Variants in TFDP2 observed in about 807,000 individuals in gnomAD.
TFDP2 encodes the protein transcription factor Dp-2, also known as transcription factor Dp-2 (E2F dimerization partner 2).
A neutral mutation model predicts 59.3 loss-of-function variants in TFDP2; 17 were observed. That is an observed-to-expected ratio of 0.29 (90% CI 0.20 to 0.43). TFDP2 has a LOEUF of 0.43. Ranked by LOEUF, TFDP2 falls within the 20% of genes least tolerant of loss-of-function variation. The pLI is 1.00. For synonymous variants in TFDP2, 180 were observed against 194.7 expected, an observed-to-expected ratio of 0.92 and a Z score of 0.63; for missense variants, 391 against 528.8, an observed-to-expected ratio of 0.74 and a Z score of 2.56.
intron 6 of TFDP2, among the ~76,000 whole-genome samples, chr3:141,989,888 A>AT (rs1327161201): frequency 2.0e-5 from 3 of 149,436 alleles, no homozygotes; most frequent in African/African-American, 7.4e-5. Flanking sequence ...AATAATAATA[A>AT]TAATAATTAT....
chr3:142,034,717 C>CT (rs34863684), intron 3 of TFDP2, among the ~76,000 whole-genome samples: 19 of 110,620 alleles, frequency 1.7e-4, no homozygotes, highest in East Asian at 1.0e-3. Context: ...CTTCTCTTGG[C>CT]TTTTTTTTTT....
chr3:142,088,825 G>C (rs2060900338), intron 3 of TFDP2, among the ~76,000 whole-genome samples: 1 of 148,448 alleles, frequency 6.7e-6, no homozygotes, highest in South Asian at 2.1e-4. Context: ...CGACCTCCTG[G>C]ATTTAATATC....
Position 142,070,450 on chromosome 3 carries a change from T to A in TFDP2, c.82+22611A>T, listed in dbSNP as rs536210760. Reference sequence around the variant, plus strand: ...ATGCCACCAAGCCTGGCTAATTTTATTTTTATCTTTTGTAGAGGCAATGCC... The same window carrying A: ...ATGCCACCAAGCCTGGCTAATTTTAATTTTATCTTTTGTAGAGGCAATGCC... On this transcript the variant is annotated intron_variant, in intron 3 of 12. Coordinates refer to ENST00000489671, the MANE Select transcript of TFDP2 (RefSeq NM_001178139.2). Among the ~76,000 whole-genome samples, 72 of 152,166 alleles carry A rather than the reference T, an allele frequency of 4.7e-4. 1 individual carries two copies. Among genetic ancestry groups the A allele is most frequent in the Non-Finnish European group, 8.7e-4 (59 of 68,028 alleles).
At chr3:142,081,555 T>G (rs2060638946) in intron 3 of TFDP2, among the ~76,000 whole-genome samples, 2 of 152,086 alleles carry the variant, frequency 1.3e-5, no homozygotes, top group Admixed American at 6.5e-5. Flanking sequence ...AAAGTTGGTT[T>G]TCTGAAAAGA....
intron 6 of TFDP2, 143 bp from the exon 7 acceptor site, chr3:141,978,825 GTTTA>G (rs975159665): frequency 2.6e-5 from 16 of 620,818 alleles, no homozygotes; most frequent in Middle Eastern, 4.5e-4. Context: ...ATGAGAAAAT[GTTTA>G]TTTAAACTTA....
intron 6 of TFDP2, among the ~76,000 whole-genome samples, chr3:141,987,401 C>T (rs1942219449): frequency 6.6e-6 from 1 of 151,630 alleles, no homozygotes; most frequent in Admixed American, 6.6e-5. Flanking sequence ...CCTGCCTCAG[C>T]CTCCTGAGTA....
chr3:141,964,556 G>A (rs1225435934), intron 9 of TFDP2, among the ~76,000 whole-genome samples: 2 of 152,164 alleles, frequency 1.3e-5, no homozygotes, highest in Non-Finnish European at 2.9e-5. Flanking sequence ...GGAGGCTGAG[G>A]TGGGAGGATT....
At chr3:141,984,682 C>G (rs573861102) in intron 6 of TFDP2, among the ~76,000 whole-genome samples, 1 of 152,174 alleles carries the variant, frequency 6.6e-6, no homozygotes, top group South Asian at 2.1e-4. Context: ...AGTTGCCCAA[C>G]AATTTATTAT....
chr3:142,036,120 A>G (rs1459272184), intron 3 of TFDP2, among the ~76,000 whole-genome samples: 2 of 152,052 alleles, frequency 1.3e-5, no homozygotes, highest in African/African-American at 4.8e-5. Flanking sequence ...TCTGGATGGG[A>G]AAAAAAATAA....
intron 3 of TFDP2, among the ~76,000 whole-genome samples, chr3:142,077,927 C>T (rs892957584): frequency 6.6e-6 from 1 of 152,160 alleles, no homozygotes; most frequent in African/African-American, 2.4e-5. Context: ...TCTGGACCTA[C>T]TCTGGATGAG....
At chr3:141,975,924 A>T (rs993313313) in intron 7 of TFDP2, among the ~76,000 whole-genome samples, 1 of 151,876 alleles carries the variant, frequency 6.6e-6, no homozygotes, top group South Asian at 2.1e-4. Flanking sequence ...TCTGTTGCCC[A>T]GGCTGGAGTG....
intron 1 of TFDP2, among the ~76,000 whole-genome samples, chr3:142,148,283 A>G (rs2063244697): frequency 6.6e-6 from 1 of 152,212 alleles, no homozygotes; most frequent in African/African-American, 2.4e-5. Flanking sequence ...GGAAAAGATA[A>G]AAGTATTCAT....
At chr3:142,089,696 A>G (rs545090786) in intron 3 of TFDP2, among the ~76,000 whole-genome samples, 16 of 152,230 alleles carry the variant, frequency 1.1e-4, no homozygotes, top group Admixed American at 2.6e-4. Context: ...AACAATAAGG[A>G]AATGAAAAAA....
intron 3 of TFDP2, among the ~76,000 whole-genome samples, chr3:142,037,410 T>C (rs1325013994): frequency 1.2e-4 from 19 of 152,202 alleles, no homozygotes; most frequent in Non-Finnish European, 1.5e-4. Context: ...TAATACATTG[T>C]ATGCTCTTTT....
At chr3:142,021,125 G>T (rs1313210588) in intron 3 of TFDP2, among the ~76,000 whole-genome samples, 2 of 152,116 alleles carry the variant, frequency 1.3e-5, no homozygotes, top group African/African-American at 4.8e-5. Context: ...TAAATACAAA[G>T]TTAATCACTA....
At chr3:141,968,716 A>G (rs1938830058) in intron 9 of TFDP2, among the ~76,000 whole-genome samples, 2 of 106,116 alleles carry the variant, frequency 1.9e-5, no homozygotes, top group African/African-American at 8.8e-5. Flanking sequence ...TATCTCATAT[A>G]TAGATATATA....
chr3:142,097,234 A>C (rs2061189872), intron 2 of TFDP2, among the ~76,000 whole-genome samples: 1 of 152,218 alleles, frequency 6.6e-6, no homozygotes, highest in Non-Finnish European at 1.5e-5. Flanking sequence ...GCTCTAAAAA[A>C]TTATACACAC....
intron 10 of TFDP2, among the ~76,000 whole-genome samples, chr3:141,960,570 A>G (rs1462783869): frequency 1.3e-5 from 2 of 152,170 alleles, no homozygotes; most frequent in Non-Finnish European, 2.9e-5. Flanking sequence ...TTTGGGGACA[A>G]TGGTAGGTTT....
intron 3 of TFDP2, among the ~76,000 whole-genome samples, chr3:142,087,557 G>A (rs546391899): frequency 7.3e-5 from 11 of 150,214 alleles, no homozygotes; most frequent in Non-Finnish European, 1.5e-4. Flanking sequence ...CTGGAGTTCA[G>A]TGGTACGATC....
Sources: gnomAD v4.1 joint callset for allele counts (sites outside exome capture counted in the v4.1 genomes callset) on GRCh38, gnomAD v4.1.1 for gene constraint, MANE v1.5 for transcripts, NCBI Gene and HGNC (gene_info 2026-07-23, HGNC 2026-07-21) for gene names.